Variants in TLK1 observed in about 807,000 individuals in gnomAD.
The protein encoded by TLK1 is tousled like kinase 1, also known as serine/threonine-protein kinase tousled-like 1.
In TLK1, 24 loss-of-function variants were observed where a neutral mutation model predicts 105.3. The observed-to-expected ratio is 0.23, with a 90% CI of 0.17 to 0.32. The LOEUF (loss-of-function observed/expected upper bound fraction) is 0.32. Among genes scored for constraint, TLK1 ranks in the 10% least tolerant of loss-of-function variants. TLK1 has a pLI of 1.00. For missense variants in TLK1, 558 were observed against 910.5 expected (o/e 0.61, Z 4.98); for synonymous variants, 321 against 310.4 (o/e 1.03, Z -0.36).
At chr2:171,164,724 A>G (rs1315079221), upstream of TLK1, among the ~76,000 whole-genome samples, 1 of 152,246 alleles carries the variant, frequency 6.6e-6, no homozygotes, top group Non-Finnish European at 1.5e-5. Context: ...TAATTTTATA[A>G]AATGATTATG....
At chr2:171,143,322 C>T (rs1691659707) in intron 1 of TLK1, among the ~76,000 whole-genome samples, 1 of 151,690 alleles carries the variant, frequency 6.6e-6, no homozygotes, top group African/African-American at 2.4e-5. Flanking sequence ...CCAGTCAACA[C>T]AGTGAAACCC....
chr2:171,022,542 T>A (rs1356076661), intron 12 of TLK1, among the ~76,000 whole-genome samples: 1 of 152,176 alleles, frequency 6.6e-6, no homozygotes, highest in Non-Finnish European at 1.5e-5. Flanking sequence ...TGAAAACTAC[T>A]GCCTACACAA....
intron 11 of TLK1, among the ~76,000 whole-genome samples, chr2:171,044,600 C>T (rs569630375): frequency 1.3e-5 from 2 of 152,172 alleles, no homozygotes; most frequent in South Asian, 4.1e-4. Context: ...TTGATGTCAG[C>T]AGGATGTATA....
At chr2:171,175,149 C>T (rs1692797475) in intron 1 of TLK1, among the ~76,000 whole-genome samples, 1 of 152,120 alleles carries the variant, frequency 6.6e-6, no homozygotes, top group Non-Finnish European at 1.5e-5. Context: ...GAGAGGATTG[C>T]TTGAGCCCAG....
At chr2:171,154,331 A>C (rs1366324057) in intron 1 of TLK1, 1 of 152,112 alleles carries the variant, frequency 6.6e-6, no homozygotes, top group Non-Finnish European at 1.5e-5. Flanking sequence ...GAATGACAAT[A>C]TTTTTGAGCT....
intron 20 of TLK1, 61 bp from the exon 21 acceptor site, chr2:170,994,017 A>G (rs768111827): frequency 4.7e-5 from 70 of 1,491,560 alleles, no homozygotes; most frequent in Admixed American, 6.1e-5. Context: ...AATATCAATC[A>G]ACTGAATCAG....
upstream of TLK1, among the ~76,000 whole-genome samples, chr2:171,163,383 A>G (rs1164131701): frequency 1.3e-5 from 2 of 152,234 alleles, no homozygotes; most frequent in African/African-American, 2.4e-5. Flanking sequence ...TACATGCACT[A>G]TAAGAGGAAC....
chr2:170,994,048 A>C, intron 20 of TLK1, 92 bp from the exon 21 acceptor site: 1 of 1,304,338 alleles, frequency 7.7e-7, no homozygotes. Context: ...GACACATTTA[A>C]GACATAAGTA....
At chr2:171,228,783 T>C (rs575490400) in intron 1 of TLK1, among the ~76,000 whole-genome samples, 6 of 152,302 alleles carry the variant, frequency 3.9e-5, no homozygotes, top group African/African-American at 1.4e-4. Flanking sequence ...TTTGAATCTG[T>C]GAAGGTAGCA....
At chr2:171,209,493 T>C (rs1395295396) in intron 1 of TLK1, among the ~76,000 whole-genome samples, 1 of 152,220 alleles carries the variant, frequency 6.6e-6, no homozygotes, top group Non-Finnish European at 1.5e-5. Flanking sequence ...TATAAGAAAG[T>C]AATATATACT....
chr2:171,076,211 C>A (rs1321382999), intron 3 of TLK1, among the ~76,000 whole-genome samples: 8 of 151,200 alleles, frequency 5.3e-5, no homozygotes, highest in African/African-American at 1.9e-4. Context: ...GAGCAAAACT[C>A]CATCTCGGAG....
intron 1 of TLK1, among the ~76,000 whole-genome samples, chr2:171,129,329 T>A (rs1691001093): frequency 6.6e-6 from 1 of 152,162 alleles, no homozygotes; most frequent in African/African-American, 2.4e-5. Context: ...AAAAGGACAG[T>A]GATGATTTAC....
Position 170,997,843 on chromosome 2 carries a change from G to GA in TLK1, c.1905-21dup. 4 of 1,468,454 alleles carry GA rather than the reference G, an allele frequency of 2.7e-6. No homozygotes were observed. The highest frequency in any genetic ancestry group is 2.6e-5 in the South Asian group (2 of 77,554). The allele number at this position is 1,468,454 out of a possible 1,614,324, so 91.0% of individuals were successfully genotyped here. On this transcript the variant is annotated intron_variant, in intron 18 of 20. Coordinates refer to ENST00000431350, the MANE Select transcript of TLK1 (RefSeq NM_012290.5). The stretch of plus-strand genomic sequence containing the variant: ...AAATACCTGTAAGTTTTGTGGGAGA[G>GA]AAAAAAGGTTACTACTGACAATCTG...
intron 1 of TLK1, among the ~76,000 whole-genome samples, chr2:171,188,424 G>A (rs1693077445): frequency 6.6e-6 from 1 of 152,088 alleles, no homozygotes; most frequent in Non-Finnish European, 1.5e-5. Flanking sequence ...ACAAAAATTA[G>A]GCCAAGCACG....
chr2:171,030,314 CA>C (rs5836319), intron 11 of TLK1, among the ~76,000 whole-genome samples: 85,666 of 151,384 alleles, frequency 0.57, 26,278 homozygotes, highest in East Asian at 0.95. Context: ...TCTTAAGAGC[CA>C]AAAAAATTAA....
At position 170,992,800 on chromosome 2, in the gene TLK1, A is replaced by C. The variant is rs1444515031; in HGVS notation, c.*980T>G. 9.2e-5 allele frequency: 14 copies of C among 152,648 alleles called. No individual in the cohort carries two copies. The highest frequency in any genetic ancestry group is 5.9e-5 in the Non-Finnish European group (4 of 68,026). 9.5% of individuals were successfully genotyped at this position (152,648 alleles called of 1,614,324 possible). A position where few individuals can be genotyped will look rare whatever the true frequency, so the allele number is the denominator to read the frequency against. ...AGTGCCTTCAAGAAGACTTAAAAAAAATACAATATCCAATTAGAAAAGCCA... is the reference window on the plus strand; with the variant it reads ...AGTGCCTTCAAGAAGACTTAAAAAACATACAATATCCAATTAGAAAAGCCA... On this transcript the variant is annotated 3_prime_UTR_variant, in exon 21 of 21. Coordinates refer to ENST00000431350, the MANE Select transcript of TLK1 (RefSeq NM_012290.5).
chr2:171,056,023 T>G (rs991434824), intron 6 of TLK1, among the ~76,000 whole-genome samples: 24 of 152,076 alleles, frequency 1.6e-4, no homozygotes, highest in African/African-American at 4.8e-4. Context: ...AAGATAATTT[T>G]AAGTCCATGA....
Position 171,160,765 on chromosome 2 carries a change from GCGCCGGCC to G in TLK1, c.-345_-338del. On this transcript the variant is annotated 5_prime_UTR_variant, in exon 1 of 21. Transcript: ENST00000431350. The surrounding 1 kb of genome is among the most constrained non-coding windows in gnomAD (Gnocchi z 4.4). ...TCGGAGCGCGGGCGGAGCGCGGGCT[GCGCCGGCC>G]GAGGACACTTCCGCGGGCGGAACCT... 2.3e-6 allele frequency: 1 copy of G among 430,434 alleles called. No individual in the cohort carries two copies. 26.7% of individuals were successfully genotyped at this position (430,434 alleles called of 1,614,324 possible). A position where few individuals can be genotyped will look rare whatever the true frequency, so the allele number is the denominator to read the frequency against.
rs184229804 is a variant in TLK1 at position 171,146,764 on chromosome 2, T to C, written c.139+13526A>G. ...TAGGGAGTACTTTGTTCACAACCTC[T>C]GTGGCAGAAATACAATTTCCTTCCT... On this transcript the variant is annotated intron_variant, in intron 1 of 20. Transcript: ENST00000431350. 4.3e-3 allele frequency among the ~76,000 whole-genome samples: 654 copies of C among 152,338 alleles called. 4 individuals are homozygous for C. Among genetic ancestry groups the C allele is most frequent in the Middle Eastern group, 0.014 (4 of 294 alleles).
Sources: allele counts gnomAD v4.1 joint callset (sites outside exome capture counted in the v4.1 genomes callset), GRCh38; gene constraint gnomAD v4.1.1; non-coding constraint Gnocchi (gnomAD v3.1); transcripts MANE v1.5; gene names NCBI Gene and HGNC (gene_info 2026-07-23, HGNC 2026-07-21).